The following ANPEP variants were observed in gnomAD, a reference collection of about 807,000 sequenced individuals.
ANPEP encodes the protein alanyl aminopeptidase, membrane.
Under a neutral mutation model 114.6 loss-of-function variants are expected in ANPEP, and 70 were observed. The ratio of observed to expected loss-of-function variants is 0.61; its 90% CI spans 0.50 to 0.75. The LOEUF (loss-of-function observed/expected upper bound fraction) is 0.75. Among genes scored for constraint, ANPEP ranks in the 30% least tolerant of loss-of-function variants. The probability of loss-of-function intolerance (pLI) is 0.00; values close to 1 mark genes in which losing one functional copy is unlikely to be tolerated. For missense variants in ANPEP, 1,184 were observed against 1,259.5 expected (o/e 0.94, Z 0.91); for synonymous variants, 548 against 522.3 (o/e 1.05, Z -0.67).
At chr15:89,804,907 C>T (rs1356223418) in intron 4 of ANPEP, 171 bp downstream of exon 4, 2 of 1,006,714 alleles carry the variant, frequency 2.0e-6, no homozygotes, top group Non-Finnish European at 2.9e-6. Context: ...TTTCATTTTT[C>T]AGGTGCAGAA....
chr15:89,809,735 G>C (rs1047861001), intron 1 of ANPEP, among the ~76,000 whole-genome samples: 10 of 152,342 alleles, frequency 6.6e-5, no homozygotes, highest in African/African-American at 2.2e-4. Flanking sequence ...CTAAGAGTGT[G>C]GGTGGGACTC....
rs1894631161 is a variant in ANPEP, at chr15:89,803,238, C to A, written c.1569+1G>T. Reference sequence around the variant, plus strand: ...CTGTGGAGGGGCTGGCTGCTACTGACCTCCTGCAGGTGGTCCCACAGGTTC... The same window carrying A: ...CTGTGGAGGGGCTGGCTGCTACTGAACTCCTGCAGGTGGTCCCACAGGTTC... On this transcript the variant is annotated splice_donor_variant, in intron 10 of 20. Coordinates refer to ENST00000300060, the MANE Select transcript of ANPEP (RefSeq NM_001150.3). LOFTEE classifies it high-confidence loss of function. The surrounding 1 kb of genome is among the most constrained non-coding windows in gnomAD (Gnocchi z 4.2). The A allele has an allele frequency of 1.9e-6, 3 of 1,613,978 alleles. No homozygotes were observed. Among genetic ancestry groups the A allele is most frequent in the African/African-American group, 1.3e-5 (1 of 75,048 alleles).
intron 2 of ANPEP, 36 bp downstream of exon 2, chr15:89,805,934 G>A (rs1363733319): frequency 2.6e-6 from 4 of 1,558,292 alleles, no homozygotes; most frequent in Admixed American, 3.6e-5. Flanking sequence ...TCAGCACCTC[G>A]GATCCACCCC....
chr15:89,806,677 C>G lies in ANPEP; in HGVS notation c.-94G>C. The G allele has an allele frequency of 1.4e-6, 2 of 1,449,576 alleles. 1 individual carries two copies. The highest frequency in any genetic ancestry group is 3.0e-5 in the South Asian group (2 of 67,790). The allele number at this position is 1,449,576 out of a possible 1,614,324, so 89.8% of individuals were successfully genotyped here. A position where few individuals can be genotyped will look rare whatever the true frequency, so the allele number is the denominator to read the frequency against. On this transcript the variant is annotated 5_prime_UTR_variant, in exon 2 of 21. Transcript: ENST00000300060. The surrounding 1 kb of genome is among the most constrained non-coding windows in gnomAD (Gnocchi z 5.7). ...TTATATCCCCAAAGGGGAGGAGCCC[C>G]ACAACAGGCAGACTGGGCAAAAATT... is the stretch of plus-strand genomic sequence containing the variant.
Position 89,806,001 on chromosome 15 carries a change from G to A in ANPEP, c.583C>T (p.Arg195Cys), listed in dbSNP as rs201704361. The change falls in exon 2 of 21, where the codon CGC becomes TGC. Residue 195 changes from arginine to cysteine, a missense_variant. Transcript: ENST00000300060. This position sits in a 1 kb window ranked among gnomAD's most constrained non-coding sequence, Gnocchi z 5.7. ...ACATTGCCCTCCATGTACTCGCTGC[G>A]GTAGAAGCCCGCCAGGTCATCTGCC... ...ELADDLAGFY[R>C]SEYMEGNVRK... 3.6e-5 allele frequency: 58 copies of A among 1,603,952 alleles called. No homozygotes were observed. Among genetic ancestry groups the A allele is most frequent in the East Asian group, 1.6e-4 (7 of 44,668 alleles).
intron 20 of ANPEP, among the ~76,000 whole-genome samples, chr15:89,787,076 T>C (rs1162823128): frequency 6.9e-6 from 1 of 145,642 alleles, no homozygotes; most frequent in Non-Finnish European, 1.5e-5. Flanking sequence ...GGCAGAGTCT[T>C]GCTCTGTCAT....
chr15:89,799,071 G>T lies in ANPEP; in HGVS notation c.2009+189C>A, dbSNP rs1447517681. Among the ~76,000 whole-genome samples the T allele has an allele frequency of 6.6e-6, 1 of 152,234 alleles. No individual in the cohort carries two copies. Among genetic ancestry groups the T allele is most frequent in the African/African-American group, 2.4e-5 (1 of 41,468 alleles). The stretch of plus-strand genomic sequence containing the variant: ...GAACTACTGTGTGACTTCGGGCAAG[G>T]TGTCACATTCTTCATCTGTGAAATG... On this transcript the variant is annotated intron_variant, in intron 14 of 20. Coordinates refer to ENST00000300060, the MANE Select transcript of ANPEP (RefSeq NM_001150.3). The surrounding 1 kb of genome is among the most constrained non-coding windows in gnomAD (Gnocchi z 4.2).
intron 1 of ANPEP, among the ~76,000 whole-genome samples, chr15:89,813,712 C>T (rs550943752): frequency 6.6e-6 from 1 of 152,322 alleles, no homozygotes; most frequent in African/African-American, 2.4e-5. Context: ...ACCCCACACG[C>T]CCACCTCCCC....
At position 89,790,484 on chromosome 15, in the gene ANPEP, G is replaced by T; in HGVS notation, c.2727C>A (p.Phe909Leu). ...SNLIQAVTRR[F>L]STEYELQQLE... ...CCTGCTGCAGCTCATACTCGGTGGA[G>T]AATCGTCGTGTCACTGCCTGGATGA... The change falls in exon 20 of 21, where the codon TTC becomes TTA. Residue 909 changes from phenylalanine (F) to leucine (L), a missense_variant. By Grantham distance (22) the Phe-to-Leu change is conservative. Transcript: ENST00000300060. 2 of 1,613,970 alleles carry T rather than the reference G, an allele frequency of 1.2e-6. No homozygotes were observed. Among genetic ancestry groups the T allele is most frequent in the Non-Finnish European group, 1.7e-6 (2 of 1,179,884 alleles).
Position 89,804,527 on chromosome 15 carries a change from C to G in ANPEP, c.988G>C (p.Gly330Arg). 6.2e-7 allele frequency: 1 copy of G among 1,614,192 alleles called. No homozygotes were observed. Among genetic ancestry groups the G allele is most frequent in the Non-Finnish European group, 8.5e-7 (1 of 1,180,030 alleles). ...VTGPILNFFAGHYDTPYPLPK... is the reference protein window; with the variant it reads ...VTGPILNFFARHYDTPYPLPK... ...AGTGGGTAGGGTGTGTCATAATGAC[C>G]AGCAAAGAAGTTAAGGATGGGGCCC... The change falls in exon 5 of 21, where the codon GGT becomes CGT. Residue 330 changes from glycine to arginine, a missense_variant. Gly to Arg is a moderately radical substitution (Grantham distance 125, BLOSUM62 -2). Transcript: ENST00000300060.
At chr15:89,812,170 C>G (rs1320629861) in intron 1 of ANPEP, among the ~76,000 whole-genome samples, 1 of 147,650 alleles carries the variant, frequency 6.8e-6, no homozygotes, top group East Asian at 1.9e-4. Context: ...AGCTGAGCAC[C>G]CGTGGCCGGG....
At chr15:89,795,725 G>A (rs2141796763) in intron 15 of ANPEP, among the ~76,000 whole-genome samples, 1 of 152,304 alleles carries the variant, frequency 6.6e-6, no homozygotes, top group Non-Finnish European at 1.5e-5. Flanking sequence ...CATTTCAGAT[G>A]ATCTACCCCA....
chr15:89,801,585 T>G lies in ANPEP; in HGVS notation c.1592A>C (p.Gln531Pro). 1 of 1,613,894 alleles carries G rather than the reference T, an allele frequency of 6.2e-7. No homozygotes were observed. The highest frequency in any genetic ancestry group is 1.1e-5 in the South Asian group (1 of 91,062). Reference sequence around the variant, plus strand: ...GATGTCCCGCACGGTGGTGGGGAGTTGGATGGACCGGTTGTTCACAGCCTG... The same window carrying G: ...GATGTCCCGCACGGTGGTGGGGAGTGGGATGGACCGGTTGTTCACAGCCTG... ...LQEAVNNRSI[Q>P]LPTTVRDIMN... Residue 531 changes from glutamine to proline, a missense_variant, in exon 11 of 21, where the codon CAA becomes CCA. Gln to Pro is a moderately conservative substitution (Grantham distance 76). Coordinates refer to ENST00000300060, the MANE Select transcript of ANPEP (RefSeq NM_001150.3).
At chr15:89,797,927 A>G (rs531256328) in intron 14 of ANPEP, among the ~76,000 whole-genome samples, 4 of 152,326 alleles carry the variant, frequency 2.6e-5, no homozygotes, top group African/African-American at 9.6e-5. Context: ...GTGGTGCCAC[A>G]AACAAGGCCC....
intron 20 of ANPEP, among the ~76,000 whole-genome samples, chr15:89,786,024 A>G (rs1258836845): frequency 6.6e-6 from 1 of 152,262 alleles, no homozygotes; most frequent in Non-Finnish European, 1.5e-5. Flanking sequence ...TAAGGAATCC[A>G]TTAAAAAATC....
Position 89,805,324 on chromosome 15 carries a change from T to G in ANPEP, c.754A>C (p.Lys252Gln), listed in dbSNP as rs1233451329. The G allele has an allele frequency of 1.2e-6, 2 of 1,613,762 alleles. No individual in the cohort carries two copies. Among genetic ancestry groups the G allele is most frequent in the African/African-American group, 1.3e-5 (1 of 74,900 alleles). The change falls in exon 3 of 21, where the codon AAA becomes CAA. Residue 252 changes from lysine to glutamine, a missense_variant. Physicochemically the swap from Lys to Gln is moderately conservative, Grantham distance 53. Transcript: ENST00000300060. ...GCCGCAGGCAGGGCCCACTCACCTT[T>G]GGGAAGCATGTTGGACAGGGCTGTC... ...DLTALSNMLPKGPSTPLPEDP... is the reference protein window; with the variant it reads ...DLTALSNMLPQGPSTPLPEDP...
At position 89,806,348 on chromosome 15, in the gene ANPEP, G is replaced by C. The variant is rs144915494; in HGVS notation, c.236C>G (p.Thr79Arg). ...KAWNRYRLPNTLKPDSYRVTL... is the reference protein window; with the variant it reads ...KAWNRYRLPNRLKPDSYRVTL... ...CACCCGGTAGGAATCGGGTTTCAGC[G>C]TGTTGGGGAGGCGGTAACGATTCCA... The change falls in exon 2 of 21, where the codon ACG becomes AGG. Residue 79 changes from threonine to arginine, a missense_variant. Coordinates refer to ENST00000300060, the MANE Select transcript of ANPEP (RefSeq NM_001150.3). This position sits in a 1 kb window ranked among gnomAD's most constrained non-coding sequence, Gnocchi z 5.7. The C allele has an allele frequency of 1.9e-6, 3 of 1,614,048 alleles. No individual in the cohort carries two copies. Among genetic ancestry groups the C allele is most frequent in the African/African-American group, 2.7e-5 (2 of 74,918 alleles).
At position 89,792,506 on chromosome 15, in the gene ANPEP, T is replaced by C; in HGVS notation, c.2306A>G (p.Glu769Gly). The C allele has an allele frequency of 5.0e-6, 8 of 1,614,170 alleles. No individual in the cohort carries two copies. The highest frequency in any genetic ancestry group is 6.8e-6 in the Non-Finnish European group (8 of 1,180,016). ...TACSNGVPEC[E>G]EMVSGLFKQW... ...CTTGAAAAGGCCAGAGACCATCTCC[T>C]CACACTCTGGAACTCCGTTGGAGCA... is the stretch of plus-strand genomic sequence containing the variant. Residue 769 changes from glutamate (E) to glycine (G), a missense_variant, in exon 17 of 21, where the codon GAG becomes GGG. Physicochemically the swap from Glu to Gly is moderately conservative, Grantham distance 98. Transcript: ENST00000300060.
intron 1 of ANPEP, among the ~76,000 whole-genome samples, chr15:89,813,042 G>C (rs545220181): frequency 2.0e-5 from 3 of 152,248 alleles, no homozygotes; most frequent in African/African-American, 7.2e-5. Context: ...GTGTGACTGG[G>C]ACCACTGTAG....
Sources: gnomAD v4.1 joint callset for allele counts (sites outside exome capture counted in the v4.1 genomes callset) on GRCh38, gnomAD v4.1.1 for gene constraint, Gnocchi (gnomAD v3.1) non-coding constraint, MANE v1.5 for transcripts, NCBI Gene and HGNC (gene_info 2026-07-23, HGNC 2026-07-21) for gene names.